The following MAG variants were observed in gnomAD, a reference collection of about 807,000 sequenced individuals.
The protein encoded by MAG is myelin associated glycoprotein.
MAG carries 30 observed loss-of-function variants against 60.7 expected under a neutral mutation model. The observed-to-expected ratio is 0.49, with a 90% CI of 0.37 to 0.67. The LOEUF (loss-of-function observed/expected upper bound fraction) is 0.67, where lower values mean the gene tolerates loss of function less well. MAG is among the 30% of genes least tolerant of loss of function. The pLI is 0.00. For missense variants in MAG, 795 were observed against 851.7 expected, an observed-to-expected ratio of 0.93 and a Z score of 0.83; for synonymous variants, 384 against 376.8, an observed-to-expected ratio of 1.02 and a Z score of -0.22.
rs963801002 is a variant in MAG at position 35,300,194 on chromosome 19, G to A, written c.760G>A (p.Gly254Ser). 3.2e-6 allele frequency: 5 copies of A among 1,567,928 alleles called. No homozygotes were observed. The African/African-American group carries it at 6.8e-5, about 21-fold the overall frequency. ...EMNSSVEAIE[G>S]SHVSLLCGAD... Reference sequence around the variant, plus strand: ...GAACTCCTCGGTGGAGGCCATCGAGGGCTCCCACGTGAGCCTGCTCTGTGG... The same window carrying A: ...GAACTCCTCGGTGGAGGCCATCGAGAGCTCCCACGTGAGCCTGCTCTGTGG... Residue 254 changes from glycine (G) to serine (S), a missense_variant, in exon 6 of 11, where the codon GGC (glycine) becomes AGC (serine). Gly to Ser is a moderately conservative substitution (Grantham distance 56). Coordinates refer to ENST00000392213, the MANE Select transcript of MAG (RefSeq NM_002361.4).
chr19:35,313,682 A>C lies in MAG; in HGVS notation c.*228A>C. 1 of 489,578 alleles carries C rather than the reference A, an allele frequency of 2.0e-6. No individual in the cohort carries two copies. Among genetic ancestry groups the C allele is most frequent in the Non-Finnish European group, 3.7e-6 (1 of 273,366 alleles). The allele number at this position is 489,578 out of a possible 1,614,324, so 30.3% of individuals were successfully genotyped here. A position where few individuals can be genotyped will look rare whatever the true frequency, so the allele number is the denominator to read the frequency against. On this transcript the variant is annotated 3_prime_UTR_variant, in exon 11 of 11. Coordinates refer to ENST00000392213, the MANE Select transcript of MAG (RefSeq NM_002361.4). Reference sequence around the variant, plus strand: ...CTCCTCTCTAACCTCCTTTACCCTCATCTGTCTGGAGGGGAGCTCTGTCTG... The same window carrying C: ...CTCCTCTCTAACCTCCTTTACCCTCCTCTGTCTGGAGGGGAGCTCTGTCTG...
Position 35,313,770 on chromosome 19 carries a change from G to A in MAG, c.*316G>A. The A allele has an allele frequency of 4.3e-6, 1 of 234,794 alleles. No individual in the cohort carries two copies. The highest frequency in any genetic ancestry group is 8.8e-5 in the East Asian group (1 of 11,306). The allele number at this position is 234,794 out of a possible 1,614,324, so 14.5% of individuals were successfully genotyped here. ...GCCCCCACACCTGGCCCTGGGGCCT[G>A]TACAAAAGGGACATGAAATAAATGC... On this transcript the variant is annotated 3_prime_UTR_variant, in exon 11 of 11. Transcript: ENST00000392213.
chr19:35,312,029 G>T lies in MAG; in HGVS notation c.1716+12G>T, dbSNP rs772336871. 2.5e-6 allele frequency: 4 copies of T among 1,608,446 alleles called. No homozygotes were observed. The highest frequency in any genetic ancestry group is 3.4e-6 in the Non-Finnish European group (4 of 1,176,786). ...CAGAGAAGTACGAGGTAAGGACCAG[G>T]CTCCAGGCTGGCCTGGGAACCTGGA... On this transcript the variant is annotated intron_variant, in intron 10 of 10. Transcript: ENST00000392213.
At chr19:35,305,115 C>G (rs1276909559) in intron 7 of MAG, among the ~76,000 whole-genome samples, 1 of 152,150 alleles carries the variant, frequency 6.6e-6, no homozygotes, top group Non-Finnish European at 1.5e-5. Context: ...GCCTCACCTG[C>G]TAGACTTGAG....
intron 10 of MAG, 44 bp downstream of exon 10, chr19:35,312,061 G>A: frequency 6.4e-7 from 1 of 1,560,774 alleles, no homozygotes; most frequent in Non-Finnish European, 8.8e-7. Flanking sequence ...TGGATGCCAG[G>A]GACACTGAAG....
In MAG at chr19:35,307,742, GA is replaced by G. The variant is rs201749290; in HGVS notation, c.1232-2126del. ...TAATTTCCTGTTTTGGAAAATGAAA[GA>G]AAAAACCTACCAGTACTATTTTTGT... is the stretch of plus-strand genomic sequence containing the variant. On this transcript the variant is annotated intron_variant, in intron 7 of 10. Coordinates refer to ENST00000392213, the MANE Select transcript of MAG (RefSeq NM_002361.4). Among the ~76,000 whole-genome samples, 483 of 152,200 alleles carry G rather than the reference GA, an allele frequency of 3.2e-3. 5 individuals are homozygous for G. In the South Asian group the frequency reaches 0.036, roughly 11 times the overall value.
chr19:35,309,810 A>G, intron 7 of MAG, 64 bp from the exon 8 acceptor site: 1 of 1,551,120 alleles, frequency 6.4e-7, no homozygotes, highest in Non-Finnish European at 8.7e-7. Flanking sequence ...TGAGCCAAGG[A>G]GTCTCCGGGG....
At chr19:35,310,486 T>C (rs2066518814) in intron 8 of MAG, 61 bp from the exon 9 acceptor site, 1 of 1,415,082 alleles carries the variant, frequency 7.1e-7, no homozygotes, top group Non-Finnish European at 1.0e-6. Flanking sequence ...TCTCCAAAGT[T>C]CTCAGGTGTC....
chr19:35,297,327 CCA>C (rs2066406789), intron 4 of MAG, among the ~76,000 whole-genome samples: 2 of 129,724 alleles, frequency 1.5e-5, no homozygotes, highest in African/African-American at 2.9e-5. Context: ...AACACACACA[CCA>C]CACACACACC....
At chr19:35,299,424 G>A in intron 4 of MAG, 130 bp from the exon 5 acceptor site, 1 of 654,026 alleles carries the variant, frequency 1.5e-6, no homozygotes. Context: ...GAGGCAGGGA[G>A]CGGAGGCGAT....
Position 35,295,817 on chromosome 19 carries a change from G to C in MAG, c.251G>C (p.Ser84Thr). Reference sequence around the variant, plus strand: ...TCGCGCACCCAAGTAGTCCACGAGAGCTTCCAGGGCCGCAGCCGCCTCCTG... The same window carrying C: ...TCGCGCACCCAAGTAGTCCACGAGACCTTCCAGGGCCGCAGCCGCCTCCTG... The part of the protein sequence containing the change: ...FKSRTQVVHE[S>T]FQGRSRLLGD... The change falls in exon 4 of 11, where the codon AGC becomes ACC. Residue 84 changes from serine (S) to threonine (T), a missense_variant. Ser to Thr is a moderately conservative substitution (Grantham distance 58, BLOSUM62 1). Transcript: ENST00000392213. This position sits in a 1 kb window ranked among gnomAD's most constrained non-coding sequence, Gnocchi z 5.8. The C allele has an allele frequency of 6.2e-7, 1 of 1,613,974 alleles. No individual in the cohort carries two copies. Among genetic ancestry groups the C allele is most frequent in the Middle Eastern group, 1.7e-4 (1 of 6,060 alleles).
At chr19:35,294,443 A>AT (rs1465972532) in intron 2 of MAG, among the ~76,000 whole-genome samples, 153 bp downstream of exon 2, 12 of 152,260 alleles carry the variant, frequency 7.9e-5, no homozygotes, top group Admixed American at 7.8e-4. Flanking sequence ...GAGACAGGAC[A>AT]TGCAGCAAAG....
intron 7 of MAG, among the ~76,000 whole-genome samples, chr19:35,304,415 C>T (rs1051323129): frequency 2.0e-5 from 3 of 152,190 alleles, no homozygotes; most frequent in East Asian, 1.9e-4. Context: ...ATACATTTTC[C>T]GGTGGGGTGC....
Position 35,310,001 on chromosome 19 carries a change from G to T in MAG, c.1359G>T (p.Val453=). The part of the protein sequence containing the change: ...AFELPSRNVT[V]NESEREFVYS... The stretch of plus-strand genomic sequence containing the variant: ...AGCTGCCATCGCGCAATGTGACCGT[G>T]AACGAGAGCGAGCGGGAGTTCGTGT... The change falls in exon 8 of 11, where the codon GTG becomes GTT. Residue 453 remains valine (V), a synonymous_variant. Transcript: ENST00000392213. The T allele has an allele frequency of 6.2e-7, 1 of 1,614,052 alleles. No homozygotes were observed. The highest frequency in any genetic ancestry group is 2.2e-5 in the East Asian group (1 of 44,878).
At chr19:35,301,556 C>T (rs1055240634) in intron 6 of MAG, among the ~76,000 whole-genome samples, 3 of 151,770 alleles carry the variant, frequency 2.0e-5, no homozygotes, top group African/African-American at 7.3e-5. Flanking sequence ...CTCAGCCTCC[C>T]GAGTAGCTAG....
chr19:35,300,032 G>T, intron 5 of MAG, 115 bp from the exon 6 acceptor site: 3 of 1,383,834 alleles, frequency 2.2e-6, no homozygotes, highest in Non-Finnish European at 1.9e-6. Context: ...TCCTGGGGCG[G>T]GGCCAAGGCT....
At position 35,309,829 on chromosome 19, in the gene MAG, C is replaced by T. The variant is rs750313604; in HGVS notation, c.1232-45C>T. ...CCAAGGAGTCTCCGGGGCCGGGCCT[C>T]GCGTTGGCTCCGGGCCACCCTCAGA... is the stretch of plus-strand genomic sequence containing the variant. On this transcript the variant is annotated intron_variant, in intron 7 of 10. Transcript: ENST00000392213. 6.3e-6 allele frequency: 10 copies of T among 1,580,952 alleles called. No homozygotes were observed. In the African/African-American group the frequency reaches 1.1e-4, roughly 17 times the overall value.
intron 6 of MAG, among the ~76,000 whole-genome samples, chr19:35,300,832 C>T (rs1325744540): frequency 6.6e-6 from 1 of 152,212 alleles, no homozygotes; most frequent in Admixed American, 6.5e-5. Context: ...TGGGCTCAAG[C>T]AAGCCTACTA....
At chr19:35,296,175 C>A (rs951555958) in intron 4 of MAG, among the ~76,000 whole-genome samples, 194 bp downstream of exon 4, 1 of 152,198 alleles carries the variant, frequency 6.6e-6, no homozygotes, top group African/African-American at 2.4e-5. Flanking sequence ...AGCAGGGCCC[C>A]AAAATAGTCT....
Sources: gnomAD v4.1 joint callset for allele counts (sites outside exome capture counted in the v4.1 genomes callset) on GRCh38, gnomAD v4.1.1 for gene constraint, Gnocchi (gnomAD v3.1) non-coding constraint, MANE v1.5 for transcripts, NCBI Gene and HGNC (gene_info 2026-07-23, HGNC 2026-07-21) for gene names.